The following HYDIN variants were observed in gnomAD, a reference collection of about 807,000 sequenced individuals.
The protein encoded by HYDIN is axonemal central pair apparatus protein HYDIN.
HYDIN carries 132 observed loss-of-function variants against 403.9 expected under a neutral mutation model. The observed-to-expected ratio is 0.33, with a 90% CI of 0.28 to 0.38. HYDIN has a LOEUF of 0.38. Among genes scored for constraint, HYDIN ranks in the 10% least tolerant of loss-of-function variants. HYDIN has a pLI of 1.00. For synonymous variants in HYDIN, 1,202 were observed against 1,891.7 expected, an observed-to-expected ratio of 0.64 and a Z score of 9.46; for missense variants, 2,827 against 5,009.5, an observed-to-expected ratio of 0.56 and a Z score of 13.15.
chr16:71,176,878 ACC>A (rs758309421), intron 4 of HYDIN, among the ~76,000 whole-genome samples: 13 of 152,302 alleles, frequency 8.5e-5, no homozygotes, highest in Non-Finnish European at 1.0e-4. Flanking sequence ...TATCTTTTGT[ACC>A]CCACGACAGT....
intron 17 of HYDIN, among the ~76,000 whole-genome samples, chr16:71,061,402 C>A (rs1368527523): frequency 1.3e-5 from 2 of 152,236 alleles, no homozygotes; most frequent in East Asian, 1.9e-4. Flanking sequence ...AGAGTCACAA[C>A]AAAGAAACGT....
intron 6 of HYDIN, among the ~76,000 whole-genome samples, chr16:71,158,041 G>A (rs1401066896): frequency 1.3e-5 from 2 of 151,452 alleles, no homozygotes; most frequent in Non-Finnish European, 2.9e-5. Flanking sequence ...TCTCCTGCTA[G>A]TGTCCCTGAC....
intron 58 of HYDIN, among the ~76,000 whole-genome samples, chr16:70,887,980 G>A (rs2041244490): frequency 6.6e-6 from 1 of 152,162 alleles, no homozygotes; most frequent in Admixed American, 6.5e-5. Flanking sequence ...ACGGCGCCTG[G>A]CCCAAGTTCA....
chr16:71,175,495 TACCACCACCACC>T (rs77913596), intron 5 of HYDIN, 100 bp downstream of exon 5: 17 of 1,001,598 alleles, frequency 1.7e-5, no homozygotes, highest in Middle Eastern at 2.6e-4. Flanking sequence ...CCACCATCAA[TACCACCACCACC>T]ACCACCACCA....
intron 18 of HYDIN, among the ~76,000 whole-genome samples, chr16:71,039,190 T>C (rs1309822160): frequency 6.6e-6 from 1 of 151,998 alleles, no homozygotes; most frequent in Non-Finnish European, 1.5e-5. Context: ...TTTTAAAATC[T>C]AGGTTTCGGT....
At position 70,884,032 on chromosome 16, in the gene HYDIN, A is replaced by T. The variant is rs528159920; in HGVS notation, c.9867T>A (p.Ala3289=). ...ACTCCTCACACTTTCCCATGGCGTC[A>T]GCCACACAGTCAACGTTGATGACCT... ...GQQVINVDCV[A]DAMGKCEEFI... Residue 3289 remains alanine (A), a synonymous_variant, in exon 59 of 86, where the codon GCT becomes GCA. Coordinates refer to ENST00000393567, the MANE Select transcript of HYDIN (RefSeq NM_001270974.2). 4.0e-5 allele frequency: 64 copies of T among 1,614,156 alleles called. 1 individual carries two copies. The East Asian group carries it at 1.4e-3, about 36-fold the overall frequency.
intron 23 of HYDIN, among the ~76,000 whole-genome samples, chr16:70,996,585 G>T (rs1357040443): frequency 6.6e-6 from 1 of 152,104 alleles, no homozygotes; most frequent in Non-Finnish European, 1.5e-5. Context: ...GCCCCATGGT[G>T]CCAGGGTCAT....
In HYDIN at chr16:70,829,598, G is replaced by A. The variant is rs1177374532; in HGVS notation, c.14112+20C>T. ...CAACTATGCCAGGAAACCAATGGGG[G>A]TGGGGGGACCTCAGTCTACCTGGTG... is the stretch of plus-strand genomic sequence containing the variant. On this transcript the variant is annotated intron_variant, in intron 81 of 85. Coordinates refer to ENST00000393567, the MANE Select transcript of HYDIN (RefSeq NM_001270974.2). 2 of 1,603,668 alleles carry A rather than the reference G, an allele frequency of 1.2e-6. No homozygotes were observed. Among genetic ancestry groups the A allele is most frequent in the Admixed American group, 1.7e-5 (1 of 60,006 alleles).
At chr16:71,217,618 G>A (rs543476448) in intron 1 of HYDIN, among the ~76,000 whole-genome samples, 92 of 152,274 alleles carry the variant, frequency 6.0e-4, no homozygotes, top group African/African-American at 2.2e-3. Context: ...GACCTATGGA[G>A]CCGAGCATAA....
At chr16:70,969,104 A>T (rs1474459159) in intron 36 of HYDIN, among the ~76,000 whole-genome samples, 1 of 152,134 alleles carries the variant, frequency 6.6e-6, no homozygotes, top group Non-Finnish European at 1.5e-5. Flanking sequence ...AACAGAGAAA[A>T]TAGACTTAAA....
At position 70,931,210 on chromosome 16, in the gene HYDIN, G is replaced by GTTTTT. The variant is rs71387550; in HGVS notation, c.7158+4737_7158+4741dup. ...TGGGTTTTCTGTCTCTCTTTCTTCTGTTTTTTTTTTTTTTTTTTTTTTTTT... is the reference window on the plus strand; with the variant it reads ...TGGGTTTTCTGTCTCTCTTTCTTCTGTTTTTTTTTTTTTTTTTTTTTTTTTTTTTT... On this transcript the variant is annotated intron_variant, in intron 45 of 85. Coordinates refer to ENST00000393567, the MANE Select transcript of HYDIN (RefSeq NM_001270974.2). Among the ~76,000 whole-genome samples the GTTTTT allele has an allele frequency of 2.6e-3, 155 of 59,430 alleles. 5 individuals are homozygous for GTTTTT. The highest frequency in any genetic ancestry group is 6.9e-3 in the African/African-American group (107 of 15,464). The allele number at this position is 59,430 out of a possible 152,430, so 39.0% of individuals were successfully genotyped here.
chr16:70,965,953 T>C (rs1169691824), intron 36 of HYDIN, among the ~76,000 whole-genome samples: 23 of 152,198 alleles, frequency 1.5e-4, no homozygotes, highest in Non-Finnish European at 3.2e-4. Flanking sequence ...GAGCTCAGAA[T>C]TGACCCATTT....
intron 52 of HYDIN, among the ~76,000 whole-genome samples, chr16:70,902,821 A>ATATATATATTTTTTTTTTTTTTTTTT: frequency 1.1e-4 from 5 of 47,304 alleles, no homozygotes; most frequent in East Asian, 5.4e-4. Context: ...ATATATATAT[A>ATATATATATTTTTTTTTTTTTTTTTT]TTTTTTTTTT....
chr16:70,931,781 A>G (rs1304989085), intron 45 of HYDIN, among the ~76,000 whole-genome samples: 7 of 150,890 alleles, frequency 4.6e-5, no homozygotes, highest in Non-Finnish European at 7.4e-5. Flanking sequence ...TTGGGAGGCC[A>G]AGGTGGATGG....
At chr16:70,994,147 T>C (rs1234799456) in intron 23 of HYDIN, among the ~76,000 whole-genome samples, 2 of 152,134 alleles carry the variant, frequency 1.3e-5, no homozygotes, top group Non-Finnish European at 2.9e-5. Flanking sequence ...TGGCTGGGCT[T>C]ATTACTGTAT....
At chr16:70,982,701 C>T (rs943560795) in intron 28 of HYDIN, among the ~76,000 whole-genome samples, 9 of 148,112 alleles carry the variant, frequency 6.1e-5, no homozygotes, top group South Asian at 2.2e-4. Flanking sequence ...GCTGCTCCAT[C>T]CTTTTTAGTT....
chr16:71,172,147 T>C (rs963077275), intron 5 of HYDIN, among the ~76,000 whole-genome samples: 2 of 152,380 alleles, frequency 1.3e-5, no homozygotes, highest in East Asian at 1.9e-4. Flanking sequence ...TTTTGGGCTA[T>C]GGTTTTTAAA....
intron 71 of HYDIN, among the ~76,000 whole-genome samples, chr16:70,858,252 G>A (rs570540072): frequency 5.9e-5 from 9 of 152,222 alleles, no homozygotes; most frequent in East Asian, 3.9e-4. Flanking sequence ...ATGATTAGCC[G>A]GGCCAGCCAG....
At chr16:70,940,591 G>T (rs2077639684) in intron 43 of HYDIN, among the ~76,000 whole-genome samples, 1 of 152,140 alleles carries the variant, frequency 6.6e-6, no homozygotes, top group Non-Finnish European at 1.5e-5. Flanking sequence ...GTGGGAAAAG[G>T]AGAAGTGGTA....
Sources: allele counts gnomAD v4.1 joint callset (sites outside exome capture counted in the v4.1 genomes callset), GRCh38; gene constraint gnomAD v4.1.1; transcripts MANE v1.5; gene names NCBI Gene and HGNC (gene_info 2026-07-23, HGNC 2026-07-21).